The following ENAH variants were observed in gnomAD, a reference collection of about 807,000 sequenced individuals.
The protein encoded by ENAH is ENAH actin regulator.
In ENAH, 23 loss-of-function variants were observed where a neutral mutation model predicts 78.7. The observed-to-expected ratio is 0.29, with a 90% CI of 0.21 to 0.41. The LOEUF is 0.41. ENAH is among the 10% of genes least tolerant of loss of function. The pLI, the probability that ENAH is intolerant of heterozygous loss-of-function variation, is 1.00. For synonymous variants in ENAH, 226 were observed against 241.0 expected (o/e 0.94, Z 0.58); for missense variants, 544 against 691.0 (o/e 0.79, Z 2.39).
chr1:225,529,566 G>A (rs1485405153), intron 4 of ENAH, among the ~76,000 whole-genome samples: 1 of 152,010 alleles, frequency 6.6e-6, no homozygotes, highest in Non-Finnish European at 1.5e-5. Context: ...ACTATACCAT[G>A]TCATGTTTAT....
intron 3 of ENAH, among the ~76,000 whole-genome samples, chr1:225,538,509 T>G (rs915895955): frequency 6.6e-6 from 1 of 152,010 alleles, no homozygotes; most frequent in Non-Finnish European, 1.5e-5. Context: ...TGGAGCATCG[T>G]GCATATATAG....
chr1:225,635,436 T>G (rs1659891117), intron 1 of ENAH, among the ~76,000 whole-genome samples: 1 of 152,228 alleles, frequency 6.6e-6, no homozygotes, highest in South Asian at 2.1e-4. Context: ...GCAACTTTGC[T>G]GAAGTCGTTC....
chr1:225,652,239 C>G (rs918178492), intron 1 of ENAH: 1 of 779,134 alleles, frequency 1.3e-6, no homozygotes, highest in East Asian at 1.3e-4. Flanking sequence ...ACCTTTCAAA[C>G]TTTTCTTCCT....
chr1:225,583,136 G>C (rs1377244567), intron 1 of ENAH, among the ~76,000 whole-genome samples: 2 of 151,998 alleles, frequency 1.3e-5, no homozygotes, highest in Non-Finnish European at 2.9e-5. Context: ...GGCAAATAAA[G>C]ATATTTTAAG....
At chr1:225,641,155 G>A (rs1660989782) in intron 1 of ENAH, among the ~76,000 whole-genome samples, 1 of 151,640 alleles carries the variant, frequency 6.6e-6, no homozygotes. Flanking sequence ...GAGCCACCGC[G>A]CCCGGCCAAA....
intron 1 of ENAH, among the ~76,000 whole-genome samples, chr1:225,580,912 CAA>C (rs78529288): frequency 2.2e-4 from 14 of 63,884 alleles, no homozygotes; most frequent in Admixed American, 1.9e-4. Context: ...AGAAAAAAAC[CAA>C]AAAAAAAAAA....
chr1:225,563,774 T>C (rs2096720575), intron 2 of ENAH, among the ~76,000 whole-genome samples: 1 of 152,220 alleles, frequency 6.6e-6, no homozygotes, highest in African/African-American at 2.4e-5. Flanking sequence ...GATATCAAAA[T>C]TATACAAGCC....
intron 3 of ENAH, among the ~76,000 whole-genome samples, chr1:225,535,256 TG>T (rs1246932735): frequency 6.6e-6 from 1 of 152,080 alleles, no homozygotes. Flanking sequence ...TCATTTGTGT[TG>T]GAAGAGGTGG....
intron 4 of ENAH, among the ~76,000 whole-genome samples, chr1:225,520,927 AGGG>A (rs2096462456): frequency 5.4e-3 from 2 of 368 alleles, no homozygotes; most frequent in Admixed American, 0.023. Context: ...GGAGGAAGGG[AGGG>A]AGGGAGGGAG....
chr1:225,487,108 CAT>C lies in ENAH; in HGVS notation c.*10665_*10666del, dbSNP rs553930211. On this transcript the variant is annotated 3_prime_UTR_variant, in exon 14 of 14. Coordinates refer to ENST00000366843, the MANE Select transcript of ENAH (RefSeq NM_018212.6). The stretch of plus-strand genomic sequence containing the variant: ...ATCCTAACTTTACACATTCTAGACA[CAT>C]GTCATGCACATACAGGTTACACTTT... 34 of 152,614 alleles carry C rather than the reference CAT, an allele frequency of 2.2e-4. No individual in the cohort carries two copies. Among genetic ancestry groups the C allele is most frequent in the Middle Eastern group, 3.4e-3 (1 of 294 alleles). The allele number at this position is 152,614 out of a possible 1,614,324, so 9.5% of individuals were successfully genotyped here. A position where few individuals can be genotyped will look rare whatever the true frequency, so the allele number is the denominator to read the frequency against.
At chr1:225,578,597 T>G (rs2096799579) in intron 1 of ENAH, among the ~76,000 whole-genome samples, 2 of 152,206 alleles carry the variant, frequency 1.3e-5, no homozygotes, top group African/African-American at 4.8e-5. Context: ...AGCCTGCTGC[T>G]AAGCAGCACA....
At chr1:225,619,998 T>G (rs1656506260) in intron 1 of ENAH, among the ~76,000 whole-genome samples, 1 of 152,176 alleles carries the variant, frequency 6.6e-6, no homozygotes, top group Non-Finnish European at 1.5e-5. Context: ...TCTTACAGTT[T>G]AGCCTAATAG....
At chr1:225,545,596 A>T (rs1275691044) in intron 3 of ENAH, among the ~76,000 whole-genome samples, 1 of 152,226 alleles carries the variant, frequency 6.6e-6, no homozygotes, top group East Asian at 1.9e-4. Flanking sequence ...GGTTTTACAA[A>T]TCTCTTTAGC....
chr1:225,564,239 C>G (rs115716200), intron 2 of ENAH, among the ~76,000 whole-genome samples: 99 of 152,052 alleles, frequency 6.5e-4, no homozygotes, highest in African/African-American at 2.0e-3. Flanking sequence ...CTCAGCCTCT[C>G]GAGTAGCTGG....
chr1:225,593,398 TGTG>T (rs2096886630), intron 1 of ENAH, among the ~76,000 whole-genome samples: 1 of 2,404 alleles, frequency 4.2e-4, no homozygotes, highest in South Asian at 0.017. Flanking sequence ...CCTGTGTGTG[TGTG>T]GGGGGGGGGG....
chr1:225,568,636 T>C (rs1418909014), intron 1 of ENAH, among the ~76,000 whole-genome samples: 1 of 152,240 alleles, frequency 6.6e-6, no homozygotes, highest in Non-Finnish European at 1.5e-5. Flanking sequence ...CAATAAATCA[T>C]GTCGGTTCTT....
At chr1:225,653,400 T>TCGGG (rs1423792523), upstream of ENAH, among the ~76,000 whole-genome samples, 2 of 151,538 alleles carry the variant, frequency 1.3e-5, no homozygotes, top group Non-Finnish European at 3.0e-5. This position sits in a 1 kb window ranked among gnomAD's most constrained non-coding sequence, Gnocchi z 4.3. Flanking sequence ...CCTCTGGGAT[T>TCGGG]CGGGCGGGCC....
chr1:225,647,310 G>C (rs1461632818), intron 1 of ENAH, among the ~76,000 whole-genome samples: 1 of 152,196 alleles, frequency 6.6e-6, no homozygotes, highest in African/African-American at 2.4e-5. Flanking sequence ...GCATATGCTT[G>C]TTACTTGAAA....
At position 225,589,638 on chromosome 1, in the gene ENAH, G is replaced by A. The variant is rs373972818; in HGVS notation, c.6-22224C>T. Among the ~76,000 whole-genome samples, 7 of 151,992 alleles carry A rather than the reference G, an allele frequency of 4.6e-5. No homozygotes were observed. The South Asian group carries it at 6.2e-4, about 14-fold the overall frequency. On this transcript the variant is annotated intron_variant, in intron 1 of 13. Transcript: ENST00000366843. ...GTTATACTGCATTGTATTTTTATGC[G>A]TATTATTGTTGCATTGTTTTTTAAT... is the stretch of plus-strand genomic sequence containing the variant.
Sources: allele counts gnomAD v4.1 joint callset (sites outside exome capture counted in the v4.1 genomes callset), GRCh38; gene constraint gnomAD v4.1.1; non-coding constraint Gnocchi (gnomAD v3.1); transcripts MANE v1.5; gene names NCBI Gene and HGNC (gene_info 2026-07-23, HGNC 2026-07-21).